Variants in FANCI observed in about 807,000 individuals in gnomAD.
The protein encoded by FANCI is FA complementation group I, also known as Fanconi anemia group I protein.
Under a neutral mutation model 176.1 loss-of-function variants are expected in FANCI, and 156 were observed. That is an observed-to-expected ratio of 0.89 (90% CI 0.78 to 1.01). FANCI has a LOEUF of 1.01. FANCI is among the 50% of genes least tolerant of loss of function. The pLI, the probability that FANCI is intolerant of heterozygous loss-of-function variation, is 0.00. For synonymous variants in FANCI, 613 were observed against 541.7 expected, an observed-to-expected ratio of 1.13 and a Z score of -1.83; for missense variants, 1,678 against 1,534.1, an observed-to-expected ratio of 1.09 and a Z score of -1.57.
Position 89,316,619 on chromosome 15 carries a change from G to A in FANCI, c.*160G>A, listed in dbSNP as rs2055273831. 2 of 1,109,258 alleles carry A rather than the reference G, an allele frequency of 1.8e-6. No homozygotes were observed. The highest frequency in any genetic ancestry group is 2.7e-6 in the Non-Finnish European group (2 of 734,234). The allele number at this position is 1,109,258 out of a possible 1,614,324, so 68.7% of individuals were successfully genotyped here. On this transcript the variant is annotated 3_prime_UTR_variant, in exon 38 of 38. Transcript: ENST00000310775. ...TCAGTTAGAAGGAATCTTCTTGGCAGGTCCTGCTACTGAAAAATGGCTGGC... is the reference window on the plus strand; with the variant it reads ...TCAGTTAGAAGGAATCTTCTTGGCAAGTCCTGCTACTGAAAAATGGCTGGC...
Position 89,291,662 on chromosome 15 carries a change from T to G in FANCI, c.1940T>G (p.Leu647Ter). 1 of 1,613,884 alleles carries G rather than the reference T, an allele frequency of 6.2e-7. No homozygotes were observed. The highest frequency in any genetic ancestry group is 8.5e-7 in the Non-Finnish European group (1 of 1,179,858). The change falls in exon 20 of 38, where the codon TTA becomes TGA. Residue 647 changes from leucine (L) to a stop codon, truncating the protein, a stop_gained. Transcript: ENST00000310775. LOFTEE classifies it high-confidence loss of function. ...PKPDLLPPLK[L>*]EACILTQGDK... ...CCTGATCTGCTGCCTCCTCTGAAATTAGAAGCTTGTATTCTGACCCAAGGA... is the reference window on the plus strand; with the variant it reads ...CCTGATCTGCTGCCTCCTCTGAAATGAGAAGCTTGTATTCTGACCCAAGGA...
At chr15:89,269,941 G>C (rs2053134635) in intron 10 of FANCI, among the ~76,000 whole-genome samples, 1 of 151,944 alleles carries the variant, frequency 6.6e-6, no homozygotes, top group African/African-American at 2.4e-5. Flanking sequence ...CTCCCAAGTA[G>C]CTGGGACTAC....
chr15:89,295,228 C>A, intron 24 of FANCI, 134 bp downstream of exon 24: 1 of 1,033,038 alleles, frequency 9.7e-7, no homozygotes, highest in Non-Finnish European at 1.4e-6. Flanking sequence ...AAACATTAGC[C>A]AGGTGGCAGG....
chr15:89,256,292 C>T (rs1027309739), intron 2 of FANCI, among the ~76,000 whole-genome samples: 19 of 152,190 alleles, frequency 1.2e-4, no homozygotes, highest in African/African-American at 4.6e-4. Context: ...TGTTTCTAGA[C>T]ATTGTCTAGT....
Position 89,305,408 on chromosome 15 carries a change from G to T in FANCI, c.3254G>T (p.Cys1085Phe), listed in dbSNP as rs533779983. 2 of 1,613,318 alleles carry T rather than the reference G, an allele frequency of 1.2e-6. No individual in the cohort carries two copies. Among genetic ancestry groups the T allele is most frequent in the South Asian group, 1.1e-5 (1 of 91,052 alleles). The change falls in exon 30 of 38, where the codon TGT becomes TTT. Residue 1085 changes from cysteine (C) to phenylalanine (F), a missense_variant and splice_region_variant. Physicochemically the swap from Cys to Phe is radical, Grantham distance 205. Around this residue, in one of 3 missense-constraint regions of FANCI, gnomAD observed 1,204 missense variants for 1,077.4 expected, o/e 1.12. Transcript: ENST00000310775. ...VNLRTAAPTV[C>F]LLVLSQAEKV... ...TTGAGAACGGCTGCCCCCACTGTCT[G>T]TGTAAGTGTTGTACCTGAGCCATGG...
intron 9 of FANCI, 147 bp from the exon 10 acceptor site, chr15:89,268,252 C>T (rs537543175): frequency 9.9e-6 from 8 of 809,642 alleles, no homozygotes; most frequent in Admixed American, 3.9e-5. Context: ...GCCACCACAT[C>T]GGGCTGATTT....
rs536246970 is a variant in FANCI, at chr15:89,271,096, A to AT, written c.883-2273dup. On this transcript the variant is annotated intron_variant, in intron 10 of 37. Coordinates refer to ENST00000310775, the MANE Select transcript of FANCI (RefSeq NM_001113378.2). The stretch of plus-strand genomic sequence containing the variant: ...CCATTTGATTGCTGTTTTATTTTAC[A>AT]TTTTTTTTGTTTTACTAGTATCTTT... 4.5e-3 allele frequency among the ~76,000 whole-genome samples: 684 copies of AT among 151,256 alleles called. 5 individuals are homozygous for AT. Among genetic ancestry groups the AT allele is most frequent in the African/African-American group, 0.013 (541 of 41,216 alleles).
chr15:89,305,659 A>C lies in FANCI; in HGVS notation c.3310A>C (p.Thr1104Pro), dbSNP rs768735814. 2 of 1,614,218 alleles carry C rather than the reference A, an allele frequency of 1.2e-6. No individual in the cohort carries two copies. Among genetic ancestry groups the C allele is most frequent in the East Asian group, 4.5e-5 (2 of 44,878 alleles). Residue 1104 changes from threonine (T) to proline (P), a missense_variant, in exon 31 of 38, where the codon ACC (threonine) becomes CCC (proline). Physicochemically the swap from Thr to Pro is conservative, Grantham distance 38 (BLOSUM62 -1). This residue lies in a region of FANCI where 1,204 missense variants were observed against 1,077.4 expected (regional missense o/e 1.12). Transcript: ENST00000310775. ...TCTAGAAGAAGTGGACTGGCTAATC[A>C]CCAAGCTTAAGGGACAAGTGAGCCA... is the stretch of plus-strand genomic sequence containing the variant. Reference protein sequence around the residue: ...KVLEEVDWLITKLKGQVSQET... With the variant: ...KVLEEVDWLIPKLKGQVSQET...
At chr15:89,279,985 A>G (rs2053554874) in intron 14 of FANCI, among the ~76,000 whole-genome samples, 1 of 152,134 alleles carries the variant, frequency 6.6e-6, no homozygotes, top group African/African-American at 2.4e-5. Flanking sequence ...ATGACTACAG[A>G]ATCATCAATA....
chr15:89,317,206 ATATCACATTC>A (rs1186424496), downstream of FANCI: 1 of 654,926 alleles, frequency 1.5e-6, no homozygotes, highest in Non-Finnish European at 2.7e-6. Flanking sequence ...CTGAAACATC[ATATCACATTC>A]ACTCTGGACA....
At chr15:89,317,226 A>G (rs2055301451), downstream of FANCI, 7 of 707,748 alleles carry the variant, frequency 9.9e-6, no homozygotes. Context: ...CACTCTGGAC[A>G]CAGGGCACCT....
chr15:89,299,756 G>C (rs186358509), intron 24 of FANCI, 44 bp from the exon 25 acceptor site: 2 of 1,593,952 alleles, frequency 1.3e-6, no homozygotes, highest in Non-Finnish European at 8.6e-7. Context: ...ATTTTATCTC[G>C]GTGAACCTGT....
chr15:89,257,622 A>G (rs925391688), intron 2 of FANCI, among the ~76,000 whole-genome samples: 3 of 152,180 alleles, frequency 2.0e-5, no homozygotes, highest in African/African-American at 7.2e-5. Context: ...TCTTTGGATT[A>G]GGACCCATCC....
chr15:89,304,299 A>G (rs564964022), intron 28 of FANCI, among the ~76,000 whole-genome samples: 2 of 152,382 alleles, frequency 1.3e-5, no homozygotes, highest in South Asian at 2.1e-4. Context: ...ATTATGATAT[A>G]TTCACACAGT....
intron 1 of FANCI, chr15:89,245,202 C>T (rs1336980247): frequency 6.7e-6 from 1 of 149,266 alleles, no homozygotes; most frequent in Non-Finnish European, 1.5e-5. Context: ...CAGAGTCTCC[C>T]TCTGTTGCCA....
intron 37 of FANCI, 199 bp from the exon 38 acceptor site, chr15:89,316,198 A>T: frequency 1.6e-6 from 1 of 612,232 alleles, no homozygotes; most frequent in Non-Finnish European, 2.9e-6. Flanking sequence ...AGGAGGTGCC[A>T]CTGTCTTATT....
chr15:89,269,667 C>T (rs913873997), intron 10 of FANCI, among the ~76,000 whole-genome samples: 4 of 152,230 alleles, frequency 2.6e-5, no homozygotes, highest in African/African-American at 9.6e-5. Flanking sequence ...CATGCAGGTT[C>T]TGTCACAACT....
At chr15:89,301,506 A>C (rs2054523389) in intron 27 of FANCI, 64 bp downstream of exon 27, 6 of 1,063,220 alleles carry the variant, frequency 5.6e-6, no homozygotes, top group Non-Finnish European at 8.9e-6. Context: ...ATTGCATCAT[A>C]AAAGTGTATA....
chr15:89,256,941 CTG>C (rs2052521556), intron 2 of FANCI, among the ~76,000 whole-genome samples: 1 of 152,150 alleles, frequency 6.6e-6, no homozygotes, highest in South Asian at 2.1e-4. Context: ...GAGTCTCGCT[CTG>C]TCACCCAGGC....
Sources: allele counts gnomAD v4.1 joint callset (sites outside exome capture counted in the v4.1 genomes callset), GRCh38; gene constraint gnomAD v4.1.1; regional missense constraint gnomAD v4.1.1; transcripts MANE v1.5; gene names NCBI Gene and HGNC (gene_info 2026-07-23, HGNC 2026-07-21).